Variants in STK31 observed in about 807,000 individuals in gnomAD.
STK31 encodes the protein serine/threonine-protein kinase 31.
STK31 carries 89 observed loss-of-function variants against 129.7 expected under a neutral mutation model. That is an observed-to-expected ratio of 0.69 (90% confidence interval 0.58 to 0.82). The LOEUF (loss-of-function observed/expected upper bound fraction) is 0.82, where lower values mean the gene tolerates loss of function less well. Among genes scored for constraint, STK31 ranks in the 40% least tolerant of loss-of-function variants. The pLI is 0.00. For synonymous variants in STK31, 448 were observed against 395.3 expected, an observed-to-expected ratio of 1.13 and a Z score of -1.58; for missense variants, 1,187 against 1,176.4, an observed-to-expected ratio of 1.01 and a Z score of -0.13.
chr7:23,819,271 A>T (rs1793650954), intron 23 of STK31, among the ~76,000 whole-genome samples: 1 of 152,224 alleles, frequency 6.6e-6, no homozygotes, highest in South Asian at 2.1e-4. Flanking sequence ...ATTGGCATTC[A>T]TTCATTTATC....
intron 11 of STK31, among the ~76,000 whole-genome samples, chr7:23,767,920 T>C (rs1328398323): frequency 2.0e-5 from 3 of 152,230 alleles, no homozygotes; most frequent in Admixed American, 2.0e-4. Flanking sequence ...TAAGCTTTTT[T>C]TCTTATCTCT....
chr7:23,732,330 G>A (rs956813121), intron 6 of STK31, among the ~76,000 whole-genome samples: 1 of 151,986 alleles, frequency 6.6e-6, no homozygotes, highest in East Asian at 1.9e-4. Flanking sequence ...TTAAGTGCAG[G>A]TATATATCTC....
Position 23,769,724 on chromosome 7 carries a change from A to T in STK31, c.1681A>T (p.Ser561Cys). Residue 561 changes from serine (S) to cysteine (C), a missense_variant, in exon 13 of 24, where the codon AGT becomes TGT. Physicochemically the swap from Ser to Cys is moderately radical, Grantham distance 112. Transcript: ENST00000355870. ...TGAAATCCTAGAGAAGACTGAGTCA[A>T]GTGTCTGCAAAGAGCTGGAGATAGC... ...IDEILEKTESSVCKELEIALV... is the reference protein window; with the variant it reads ...IDEILEKTESCVCKELEIALV... The T allele has an allele frequency of 6.2e-7, 1 of 1,610,972 alleles. No homozygotes were observed. Among genetic ancestry groups the T allele is most frequent in the Non-Finnish European group, 8.5e-7 (1 of 1,178,188 alleles).
intron 8 of STK31, among the ~76,000 whole-genome samples, chr7:23,746,927 C>T (rs1280378180): frequency 6.6e-6 from 1 of 151,034 alleles, no homozygotes; most frequent in Non-Finnish European, 1.5e-5. Context: ...ACTTTTTTTT[C>T]TCAATAAGTT....
At chr7:23,831,985 T>G (rs1466148086) in intron 23 of STK31, 151 bp from the exon 24 acceptor site, 2 of 610,990 alleles carry the variant, frequency 3.3e-6, no homozygotes, top group Non-Finnish European at 5.8e-6. Context: ...TTGGTGTTTT[T>G]TTTTGTTGAG....
intron 8 of STK31, among the ~76,000 whole-genome samples, chr7:23,752,065 C>G (rs976538740): frequency 3.6e-4 from 54 of 151,826 alleles, no homozygotes; most frequent in African/African-American, 1.3e-3. Flanking sequence ...GATGATTGCA[C>G]AACAATATGA....
Position 23,785,525 on chromosome 7 carries a change from T to A in STK31, c.2196T>A (p.Asp732Glu), listed in dbSNP as rs202222546. The change falls in exon 18 of 24, where the codon GAT (aspartate) becomes GAA (glutamate). Residue 732 changes from aspartate to glutamate, a missense_variant. Physicochemically the swap from Asp to Glu is conservative, Grantham distance 45. Transcript: ENST00000355870. Reference protein sequence around the residue: ...LTMSLERDLLDAEPMKELSSK... With the variant: ...LTMSLERDLLEAEPMKELSSK... Reference sequence around the variant, plus strand: ...TGAGCTTGGAACGAGATCTTCTTGATGCTGAGCCCATGAAGGAACTTAGCA... The same window carrying A: ...TGAGCTTGGAACGAGATCTTCTTGAAGCTGAGCCCATGAAGGAACTTAGCA... 6.2e-7 allele frequency: 1 copy of A among 1,614,052 alleles called. No homozygotes were observed. Among genetic ancestry groups the A allele is most frequent in the Non-Finnish European group, 8.5e-7 (1 of 1,179,944 alleles).
intron 15 of STK31, among the ~76,000 whole-genome samples, chr7:23,778,319 G>A (rs1419177919): frequency 6.6e-6 from 1 of 152,060 alleles, no homozygotes; most frequent in Non-Finnish European, 1.5e-5. Context: ...GTGTCTTGGG[G>A]TTGCTGTTTT....
intron 6 of STK31, among the ~76,000 whole-genome samples, chr7:23,735,268 A>C (rs1428225904): frequency 1.3e-5 from 2 of 152,216 alleles, no homozygotes; most frequent in Non-Finnish European, 2.9e-5. Flanking sequence ...GGGTTAAAAA[A>C]AACTATTCTA....
intron 15 of STK31, among the ~76,000 whole-genome samples, chr7:23,776,600 T>A (rs571567553): frequency 2.6e-5 from 4 of 152,360 alleles, no homozygotes; most frequent in East Asian, 3.9e-4. Context: ...TCTTCTAGAT[T>A]TTCTAGTCGA....
intron 4 of STK31, among the ~76,000 whole-genome samples, chr7:23,719,962 A>T (rs1194164897): frequency 6.6e-6 from 1 of 152,168 alleles, no homozygotes; most frequent in Non-Finnish European, 1.5e-5. Flanking sequence ...TAAGAAATAT[A>T]TAATCCATGT....
chr7:23,810,638 A>T (rs1793033099), intron 22 of STK31, among the ~76,000 whole-genome samples: 1 of 137,990 alleles, frequency 7.2e-6, no homozygotes, highest in Admixed American at 8.0e-5. Flanking sequence ...ATAGATATAA[A>T]ATATATAAAT....
At chr7:23,772,858 G>T (rs1336814537) in intron 15 of STK31, among the ~76,000 whole-genome samples, 1 of 152,154 alleles carries the variant, frequency 6.6e-6, no homozygotes, top group East Asian at 1.9e-4. Context: ...TTTGATTTAT[G>T]TACAAGGATC....
chr7:23,711,098 A>G (rs1785928357), intron 1 of STK31, among the ~76,000 whole-genome samples: 1 of 152,140 alleles, frequency 6.6e-6, no homozygotes, highest in Non-Finnish European at 1.5e-5. Context: ...CCTTTTCATA[A>G]TGAGAGAGCA....
At chr7:23,831,980 GT>G (rs201450122) in intron 23 of STK31, among the ~76,000 whole-genome samples, 155 bp from the exon 24 acceptor site, 24 of 151,164 alleles carry the variant, frequency 1.6e-4, no homozygotes, top group African/African-American at 5.8e-4. Flanking sequence ...TTATTTTGGT[GT>G]TTTTTTTTGT....
intron 4 of STK31, among the ~76,000 whole-genome samples, chr7:23,720,041 AAAAC>A (rs1584322885): frequency 1.3e-5 from 2 of 152,176 alleles, no homozygotes; most frequent in Non-Finnish European, 2.9e-5. Context: ...CCTTACTAGG[AAAAC>A]AAACAAACAA....
intron 3 of STK31, 102 bp from the exon 4 acceptor site, chr7:23,717,379 A>G: frequency 1.5e-6 from 1 of 649,894 alleles, no homozygotes; most frequent in African/African-American, 2.1e-5. Context: ...TTAATTTCTA[A>G]TGGCCTAAAA....
chr7:23,736,025 T>C (rs1253053551), intron 7 of STK31, 129 bp downstream of exon 7: 2 of 715,686 alleles, frequency 2.8e-6, no homozygotes, highest in East Asian at 5.3e-5. Context: ...TGCTGATATT[T>C]CTGTTTTTCT....
At chr7:23,795,243 C>T (rs149433557) in intron 22 of STK31, among the ~76,000 whole-genome samples, 4 of 152,308 alleles carry the variant, frequency 2.6e-5, no homozygotes, top group African/African-American at 9.6e-5. Flanking sequence ...CCACCTGCTC[C>T]AGTCATGGCT....
Sources: allele counts gnomAD v4.1 joint callset (sites outside exome capture counted in the v4.1 genomes callset), GRCh38; gene constraint gnomAD v4.1.1; transcripts MANE v1.5; gene names NCBI Gene and HGNC (gene_info 2026-07-23, HGNC 2026-07-21).